Variants in LIMCH1 observed in about 807,000 individuals in gnomAD.
LIMCH1 encodes the protein LIM and calponin homology domains-containing protein 1.
Under a neutral mutation model 176.5 loss-of-function variants are expected in LIMCH1, and 113 were observed. The ratio of observed to expected loss-of-function variants is 0.64; its 90% confidence interval spans 0.55 to 0.75. The LOEUF (loss-of-function observed/expected upper bound fraction) is 0.75, where lower values mean the gene tolerates loss of function less well. LIMCH1 is among the 30% of genes least tolerant of loss of function. LIMCH1 has a pLI of 0.00. For synonymous variants in LIMCH1, 619 were observed against 645.9 expected (o/e 0.96, Z 0.63); for missense variants, 1,674 against 1,814.9 (o/e 0.92, Z 1.41).
At chr4:41,433,250 G>A (rs1490936424) in intron 1 of LIMCH1, among the ~76,000 whole-genome samples, 1 of 152,120 alleles carries the variant, frequency 6.6e-6, no homozygotes, top group Non-Finnish European at 1.5e-5. Flanking sequence ...TACTCTAGTC[G>A]TTTTGCGTCT....
At chr4:41,406,657 G>A (rs73811200) in intron 1 of LIMCH1, among the ~76,000 whole-genome samples, 3,499 of 152,252 alleles carry the variant, frequency 0.023, 120 homozygotes, top group African/African-American at 0.08. Context: ...CTGAAGCCTA[G>A]CTTGAAGAGA....
At chr4:41,503,528 A>G (rs142547393) in intron 2 of LIMCH1, among the ~76,000 whole-genome samples, 74 of 152,328 alleles carry the variant, frequency 4.9e-4, no homozygotes, top group African/African-American at 1.7e-3. Flanking sequence ...GGTGAGCTTA[A>G]GAGTGGTGTG....
At chr4:41,567,166 G>A (rs934137315) in intron 1 of LIMCH1, among the ~76,000 whole-genome samples, 2 of 152,144 alleles carry the variant, frequency 1.3e-5, no homozygotes, top group African/African-American at 4.8e-5. Flanking sequence ...GTTAAGGGGG[G>A]GACCTGCTTG....
At position 41,631,521 on chromosome 4, in the gene LIMCH1, A is replaced by G. The variant is rs1338804010; in HGVS notation, c.1601+44A>G. The G allele has an allele frequency of 7.0e-6, 10 of 1,422,298 alleles. No homozygotes were observed. The African/African-American group carries it at 1.0e-4, about 14-fold the overall frequency. 88.1% of individuals were successfully genotyped at this position (1,422,298 alleles called of 1,614,324 possible). On this transcript the variant is annotated intron_variant, in intron 10 of 31. Transcript: ENST00000503057. ...GTGCAAGGATATCTGCATGGGAGTC[A>G]CTGCTGCTTTTGTAGAGTTTGCTGA...
At chr4:41,620,775 CT>C in intron 7 of LIMCH1, 85 bp downstream of exon 7, 1 of 1,395,224 alleles carries the variant, frequency 7.2e-7, no homozygotes, top group South Asian at 1.5e-5. Flanking sequence ...GAGTTTTCAT[CT>C]GATTTTTCCA....
At chr4:41,476,278 T>C (rs2067729062) in intron 1 of LIMCH1, among the ~76,000 whole-genome samples, 1 of 152,270 alleles carries the variant, frequency 6.6e-6, no homozygotes, top group African/African-American at 2.4e-5. Context: ...ATTAGTTTCA[T>C]AAAGAATAAC....
intron 1 of LIMCH1, among the ~76,000 whole-genome samples, chr4:41,493,237 A>G (rs937654444): frequency 2.1e-4 from 32 of 151,688 alleles, no homozygotes; most frequent in Admixed American, 5.9e-4. Flanking sequence ...TTGTTTTTCT[A>G]TTTGCTCCTT....
At chr4:41,648,259 C>G (rs2094143381) in intron 17 of LIMCH1, among the ~76,000 whole-genome samples, 1 of 152,190 alleles carries the variant, frequency 6.6e-6, no homozygotes, top group Non-Finnish European at 1.5e-5. Context: ...TCTAGATGTC[C>G]ACTTTCCCTC....
chr4:41,571,675 G>A (rs1256388411), intron 1 of LIMCH1, among the ~76,000 whole-genome samples: 1 of 152,084 alleles, frequency 6.6e-6, no homozygotes, highest in South Asian at 2.1e-4. Context: ...GCATTTTGAG[G>A]GTGAGCAAGA....
At chr4:41,451,155 G>C (rs995549164) in intron 1 of LIMCH1, among the ~76,000 whole-genome samples, 6 of 152,070 alleles carry the variant, frequency 3.9e-5, no homozygotes, top group Admixed American at 3.3e-4. Context: ...CACTCTTGGT[G>C]CCCAGGCTGG....
At chr4:41,584,650 C>T (rs955151996) in intron 1 of LIMCH1, among the ~76,000 whole-genome samples, 5 of 152,232 alleles carry the variant, frequency 3.3e-5, no homozygotes, top group African/African-American at 1.2e-4. Context: ...ATCTCTAGGA[C>T]TCTGTGATGT....
chr4:41,649,680 C>T (rs1336138956), intron 17 of LIMCH1, among the ~76,000 whole-genome samples: 2 of 152,198 alleles, frequency 1.3e-5, no homozygotes, highest in African/African-American at 2.4e-5. Flanking sequence ...TACTTTCTGC[C>T]TCAAATTTCA....
intron 4 of LIMCH1, chr4:41,612,707 C>T (rs1299367157): frequency 2.9e-6 from 2 of 698,322 alleles, no homozygotes; most frequent in Non-Finnish European, 5.2e-6. Context: ...TCAAAGACAG[C>T]CATTGTTCTC....
At chr4:41,695,887 A>G (rs146599330) in intron 31 of LIMCH1, among the ~76,000 whole-genome samples, 38 of 152,252 alleles carry the variant, frequency 2.5e-4, no homozygotes, top group African/African-American at 8.7e-4. Context: ...GGTCAAATAT[A>G]TCCAAGATGC....
At chr4:41,474,624 A>C (rs1419375773) in intron 1 of LIMCH1, among the ~76,000 whole-genome samples, 1 of 152,200 alleles carries the variant, frequency 6.6e-6, no homozygotes, top group Non-Finnish European at 1.5e-5. Flanking sequence ...CCACAATGAG[A>C]TATCACCTCA....
intron 15 of LIMCH1, among the ~76,000 whole-genome samples, chr4:41,645,318 T>G (rs1019533626): frequency 1.3e-5 from 2 of 152,258 alleles, no homozygotes; most frequent in African/African-American, 4.8e-5. Flanking sequence ...GTTTAAAAAG[T>G]TAACTTCTCC....
intron 1 of LIMCH1, among the ~76,000 whole-genome samples, chr4:41,367,646 C>G (rs1265308031): frequency 8.0e-6 from 1 of 124,632 alleles, no homozygotes; most frequent in East Asian, 2.4e-4. Flanking sequence ...CCAGACCATT[C>G]TGGCTAACAC....
intron 1 of LIMCH1, among the ~76,000 whole-genome samples, chr4:41,425,877 C>T (rs1025846837): frequency 6.6e-6 from 1 of 152,130 alleles, no homozygotes; most frequent in Non-Finnish European, 1.5e-5. Flanking sequence ...TCATGGCTGT[C>T]TTAGAGGACT....
chr4:41,398,631 G>A (rs976213111), intron 1 of LIMCH1, among the ~76,000 whole-genome samples: 2 of 152,150 alleles, frequency 1.3e-5, no homozygotes, highest in African/African-American at 2.4e-5. Context: ...GAGGTTCCTA[G>A]GTTCTGCACA....
Sources: gnomAD v4.1 joint callset for allele counts (sites outside exome capture counted in the v4.1 genomes callset) on GRCh38, gnomAD v4.1.1 for gene constraint, MANE v1.5 for transcripts, NCBI Gene and HGNC (gene_info 2026-07-23, HGNC 2026-07-21) for gene names.